FTO: variants seen among roughly 807,000 people sequenced by gnomAD.
FTO encodes alpha-ketoglutarate-dependent dioxygenase FTO.
FTO carries 47 observed loss-of-function variants against 63.9 expected under a neutral mutation model. The ratio of observed to expected loss-of-function variants is 0.74; its 90% CI spans 0.58 to 0.94. FTO has a LOEUF of 0.94. Among genes scored for constraint, FTO ranks in the 40% least tolerant of loss-of-function variants. The pLI is 0.00. For synonymous variants in FTO, 207 were observed against 224.4 expected, an observed-to-expected ratio of 0.92 and a Z score of 0.69; for missense variants, 562 against 618.1, an observed-to-expected ratio of 0.91 and a Z score of 0.96.
At chr16:53,954,819 G>A (rs1021119692) in intron 8 of FTO, among the ~76,000 whole-genome samples, 3 of 151,894 alleles carry the variant, frequency 2.0e-5, no homozygotes, top group East Asian at 1.9e-4. Flanking sequence ...GGAGATGGAC[G>A]CTAATGTTTA....
At chr16:54,040,761 C>CA (rs1567534129) in intron 8 of FTO, 1 of 152,050 alleles carries the variant, frequency 6.6e-6, no homozygotes, top group East Asian at 1.9e-4. Flanking sequence ...AGGAGTGATG[C>CA]GAGATGAGAA....
chr16:53,781,387 T>C (rs2077584421), intron 1 of FTO, among the ~76,000 whole-genome samples: 1 of 152,232 alleles, frequency 6.6e-6, no homozygotes, highest in Non-Finnish European at 1.5e-5. Flanking sequence ...ACTCATGAAA[T>C]GTAAACAGCC....
At chr16:53,961,696 T>G (rs889900709) in intron 8 of FTO, among the ~76,000 whole-genome samples, 2 of 152,174 alleles carry the variant, frequency 1.3e-5, no homozygotes, top group Non-Finnish European at 2.9e-5. Flanking sequence ...TGAAATCTCT[T>G]TTAAAATACA....
chr16:53,912,241 C>T (rs949987498), intron 7 of FTO, among the ~76,000 whole-genome samples: 18 of 152,138 alleles, frequency 1.2e-4, no homozygotes, highest in Admixed American at 9.2e-4. Flanking sequence ...AAGGCAACCT[C>T]CAGGAGTAAT....
At chr16:53,746,422 T>G (rs1274839504) in intron 1 of FTO, among the ~76,000 whole-genome samples, 2 of 152,174 alleles carry the variant, frequency 1.3e-5, no homozygotes, top group Admixed American at 1.3e-4. Context: ...ATTAAGTCCC[T>G]GAGATTTGGG....
intron 2 of FTO, among the ~76,000 whole-genome samples, chr16:53,811,959 T>A (rs2078538422): frequency 6.6e-6 from 1 of 152,100 alleles, no homozygotes; most frequent in Non-Finnish European, 1.5e-5. Context: ...ACCACTGGCA[T>A]GTGCCACCAC....
chr16:53,910,115 TTTTAGA>T (rs2081650346), intron 7 of FTO, among the ~76,000 whole-genome samples: 1 of 152,112 alleles, frequency 6.6e-6, no homozygotes, highest in African/African-American at 2.4e-5. Flanking sequence ...ACGGAGCCCA[TTTTAGA>T]CAGTACAAAC....
intron 8 of FTO, among the ~76,000 whole-genome samples, chr16:54,048,425 T>C (rs1056143499): frequency 6.6e-6 from 1 of 152,050 alleles, no homozygotes; most frequent in East Asian, 1.9e-4. Flanking sequence ...CGTTTTGATA[T>C]CTTTTTAGTA....
chr16:53,736,491 T>G (rs952432040), intron 1 of FTO, among the ~76,000 whole-genome samples: 1 of 152,152 alleles, frequency 6.6e-6, no homozygotes, highest in Non-Finnish European at 1.5e-5. Context: ...AGTCTTTCAA[T>G]CTGTCAGCAG....
At chr16:53,773,641 T>C (rs1229994587) in intron 1 of FTO, among the ~76,000 whole-genome samples, 3 of 152,128 alleles carry the variant, frequency 2.0e-5, no homozygotes, top group African/African-American at 4.8e-5. Context: ...GTGGAGAAAG[T>C]TGGGAAGGTC....
Position 53,884,833 on chromosome 16 carries a change from T to C in FTO, c.1120-3999T>C, listed in dbSNP as rs74349597. Reference sequence around the variant, plus strand: ...GTTCAAAATCAGGGAGTTTGGTTTGTAAGTATCATGAAAACTTTGAGAGAA... The same window carrying C: ...GTTCAAAATCAGGGAGTTTGGTTTGCAAGTATCATGAAAACTTTGAGAGAA... On this transcript the variant is annotated intron_variant, in intron 6 of 8. Coordinates refer to ENST00000471389, the MANE Select transcript of FTO (RefSeq NM_001080432.3). Among the ~76,000 whole-genome samples the C allele has an allele frequency of 3.5e-3, 534 of 152,346 alleles. 2 individuals are homozygous for C. Among genetic ancestry groups the C allele is most frequent in the African/African-American group, 0.012 (503 of 41,574 alleles).
intron 8 of FTO, among the ~76,000 whole-genome samples, chr16:54,080,898 T>C (rs1226418751): frequency 6.6e-6 from 1 of 152,148 alleles, no homozygotes; most frequent in African/African-American, 2.4e-5. Flanking sequence ...AACATCCCTC[T>C]GGAAGAACAG....
chr16:53,984,803 T>TG (rs1263880153), intron 8 of FTO: 2 of 397,350 alleles, frequency 5.0e-6, no homozygotes, highest in African/African-American at 4.2e-5. Context: ...TCAGTGATAT[T>TG]GGGATATGAT....
intron 4 of FTO, among the ~76,000 whole-genome samples, chr16:53,849,479 A>G (rs2079724880): frequency 6.6e-6 from 1 of 152,216 alleles, no homozygotes; most frequent in Non-Finnish European, 1.5e-5. Flanking sequence ...TATTTGCTAC[A>G]TATAGGAACT....
chr16:53,899,245 A>G (rs78782312), intron 7 of FTO, among the ~76,000 whole-genome samples: 1 of 149,202 alleles, frequency 6.7e-6, no homozygotes, highest in Non-Finnish European at 1.5e-5. Context: ...TTTTTTTTTA[A>G]TGAGAGGCTT....
intron 1 of FTO, among the ~76,000 whole-genome samples, chr16:53,759,799 A>G (rs2151596556): frequency 6.6e-6 from 1 of 152,102 alleles, no homozygotes; most frequent in African/African-American, 2.4e-5. Flanking sequence ...ACCGCCCAGC[A>G]CAACAGATGA....
intron 1 of FTO, among the ~76,000 whole-genome samples, chr16:53,788,009 T>A (rs1447554131): frequency 3.9e-5 from 6 of 152,190 alleles, no homozygotes; most frequent in African/African-American, 1.2e-4. Flanking sequence ...TACTCAGAAA[T>A]GCCATGCTTT....
chr16:53,833,995 G>A (rs532571994), intron 3 of FTO, among the ~76,000 whole-genome samples: 10 of 151,848 alleles, frequency 6.6e-5, no homozygotes, highest in Admixed American at 5.9e-4. Flanking sequence ...TATATGACTT[G>A]CAATATTTTC....
intron 8 of FTO, among the ~76,000 whole-genome samples, chr16:54,001,284 C>T (rs2084060220): frequency 6.6e-6 from 1 of 152,144 alleles, no homozygotes; most frequent in African/African-American, 2.4e-5. Context: ...TTTTTCCGTG[C>T]CATTCTATTC....
Sources: allele counts gnomAD v4.1 joint callset (sites outside exome capture counted in the v4.1 genomes callset), GRCh38; gene constraint gnomAD v4.1.1; transcripts MANE v1.5; gene names NCBI Gene and HGNC (gene_info 2026-07-23, HGNC 2026-07-21).